The following PTPRN2 variants were observed in gnomAD, a reference collection of about 807,000 sequenced individuals.
The protein encoded by PTPRN2 is receptor-type tyrosine-protein phosphatase N2.
In PTPRN2, 74 loss-of-function variants were observed where a neutral mutation model predicts 118.8. The observed-to-expected ratio is 0.62, with a 90% CI of 0.52 to 0.76. PTPRN2 has a LOEUF of 0.76. Ranked by LOEUF, PTPRN2 falls within the 30% of genes least tolerant of loss-of-function variation. PTPRN2 has a pLI of 0.00. For missense variants in PTPRN2, 1,481 were observed against 1,394.4 expected (o/e 1.06, Z -0.99); for synonymous variants, 641 against 608.0 (o/e 1.05, Z -0.80).
At chr7:158,269,230 G>A (rs911160754) in intron 3 of PTPRN2, among the ~76,000 whole-genome samples, 2 of 151,980 alleles carry the variant, frequency 1.3e-5, no homozygotes, top group East Asian at 1.9e-4. Flanking sequence ...CCCTCCCATC[G>A]CCAAACCTCG....
At chr7:157,908,340 G>A (rs1048609643) in intron 11 of PTPRN2, among the ~76,000 whole-genome samples, 1 of 152,262 alleles carries the variant, frequency 6.6e-6, no homozygotes, top group Admixed American at 6.5e-5. Flanking sequence ...CACGTGTTGC[G>A]TGAGGCCTTT....
chr7:158,370,789 T>C (rs1809929934), intron 2 of PTPRN2, among the ~76,000 whole-genome samples: 1 of 152,120 alleles, frequency 6.6e-6, no homozygotes, highest in Non-Finnish European at 1.5e-5. Context: ...CAATAAAGGC[T>C]GGGAGAACCA....
At chr7:157,655,603 C>T (rs985368654) in intron 14 of PTPRN2, among the ~76,000 whole-genome samples, 4 of 152,214 alleles carry the variant, frequency 2.6e-5, no homozygotes, top group African/African-American at 7.2e-5. Flanking sequence ...GGCCAAGCAG[C>T]GTAACAGGCT....
chr7:157,920,784 G>T (rs192215342), intron 11 of PTPRN2, among the ~76,000 whole-genome samples: 1 of 152,220 alleles, frequency 6.6e-6, no homozygotes, highest in African/African-American at 2.4e-5. Flanking sequence ...TGCAAAGTTA[G>T]ATGTAAAATG....
rs376264880 is a variant in PTPRN2 at position 158,249,009 on chromosome 7, C to T, written c.278-43736G>A. Among the ~76,000 whole-genome samples the T allele has an allele frequency of 5.2e-3, 779 of 150,432 alleles. 5 individuals carry two copies. The highest frequency in any genetic ancestry group is 0.018 in the African/African-American group (735 of 40,886). On this transcript the variant is annotated intron_variant, in intron 3 of 22. Transcript: ENST00000389418. Reference sequence around the variant, plus strand: ...ATATGCACACATCACACATGCAGCACATATGTGCATACATAAACACACGTG... The same window carrying T: ...ATATGCACACATCACACATGCAGCATATATGTGCATACATAAACACACGTG...
At chr7:158,040,788 A>G (rs1808410530) in intron 11 of PTPRN2, among the ~76,000 whole-genome samples, 1 of 148,414 alleles carries the variant, frequency 6.7e-6, no homozygotes, top group South Asian at 2.1e-4. Context: ...GCTGAAGTGC[A>G]ATGGCACAAT....
chr7:157,939,628 ACC>A (rs1271707600), intron 11 of PTPRN2, among the ~76,000 whole-genome samples: 1 of 152,240 alleles, frequency 6.6e-6, no homozygotes, highest in African/African-American at 2.4e-5. Context: ...TGAGGCCTCA[ACC>A]CCATCGTCCA....
Position 157,977,245 on chromosome 7 carries a change from G to A in PTPRN2, c.1724-78508C>T, listed in dbSNP as rs1802823127. Among the ~76,000 whole-genome samples the A allele has an allele frequency of 6.6e-6, 1 of 152,072 alleles. No homozygotes were observed. The highest frequency in any genetic ancestry group is 2.1e-4 in the South Asian group (1 of 4,808). On this transcript the variant is annotated intron_variant, in intron 11 of 22. Coordinates refer to ENST00000389418, the MANE Select transcript of PTPRN2 (RefSeq NM_002847.5). The surrounding 1 kb of genome is among the most constrained non-coding windows in gnomAD (Gnocchi z 4.6). ...GGTGTGACCCACAGGTAGGGTGGCT[G>A]TGCCCCATGAAGCTTGCATGGAACT... is the stretch of plus-strand genomic sequence containing the variant.
Position 157,990,131 on chromosome 7 carries a change from C to G in PTPRN2, c.1723+91167G>C, listed in dbSNP as rs12666822. Reference sequence around the variant, plus strand: ...CGCTCCAAATACACCGAGACGAAAACAAGCCCAGGTGAAGCTGCAGCTGGG... The same window carrying G: ...CGCTCCAAATACACCGAGACGAAAAGAAGCCCAGGTGAAGCTGCAGCTGGG... On this transcript the variant is annotated intron_variant, in intron 11 of 22. Coordinates refer to ENST00000389418, the MANE Select transcript of PTPRN2 (RefSeq NM_002847.5). The surrounding 1 kb of genome is among the most constrained non-coding windows in gnomAD (Gnocchi z 4.3). 0.028 allele frequency among the ~76,000 whole-genome samples: 4,305 copies of G among 152,080 alleles called. 112 individuals are homozygous for G. The highest frequency in any genetic ancestry group is 0.13 in the East Asian group (671 of 5,144).
At chr7:158,428,042 T>C (rs916303119) in intron 2 of PTPRN2, among the ~76,000 whole-genome samples, 1 of 151,764 alleles carries the variant, frequency 6.6e-6, no homozygotes, top group Non-Finnish European at 1.5e-5. Flanking sequence ...GAGTCCTGCA[T>C]ACCTAACTCC....
At position 157,801,096 on chromosome 7, in the gene PTPRN2, T is replaced by C. The variant is rs1002680682; in HGVS notation, c.1788+97577A>G. ...ATATATACACACACACACACATATA[T>C]ATATGCACATATATATGAATACCCA... On this transcript the variant is annotated intron_variant, in intron 12 of 22. Transcript: ENST00000389418. The surrounding 1 kb of genome is among the most constrained non-coding windows in gnomAD (Gnocchi z 4.2). Among the ~76,000 whole-genome samples, 1 of 151,754 alleles carries C rather than the reference T, an allele frequency of 6.6e-6. No homozygotes were observed. Among genetic ancestry groups the C allele is most frequent in the Non-Finnish European group, 1.5e-5 (1 of 68,000 alleles).
At chr7:157,839,673 C>T (rs1372250340) in intron 12 of PTPRN2, among the ~76,000 whole-genome samples, 2 of 149,516 alleles carry the variant, frequency 1.3e-5, no homozygotes, top group Non-Finnish European at 1.5e-5. Context: ...GACTGTGTAG[C>T]TGTGTGGAAT....
intron 3 of PTPRN2, among the ~76,000 whole-genome samples, chr7:158,272,120 G>A (rs1798552638): frequency 6.6e-6 from 1 of 152,198 alleles, no homozygotes; most frequent in African/African-American, 2.4e-5. Context: ...AATGATCACA[G>A]GGTGCCATCA....
chr7:157,948,787 T>C (rs543620941), intron 11 of PTPRN2, among the ~76,000 whole-genome samples: 2 of 152,304 alleles, frequency 1.3e-5, no homozygotes, highest in South Asian at 4.1e-4. Context: ...AAATGCCCAT[T>C]GAAGTATTTT....
chr7:158,153,688 G>A (rs1821419682), intron 6 of PTPRN2, among the ~76,000 whole-genome samples: 1 of 152,230 alleles, frequency 6.6e-6, no homozygotes. Context: ...CAGGCAAACA[G>A]CTTTGATTTT....
rs1453306619 is a variant in PTPRN2, at chr7:157,953,074, G to A, written c.1724-54337C>T. On this transcript the variant is annotated intron_variant, in intron 11 of 22. Transcript: ENST00000389418. This position sits in a 1 kb window ranked among gnomAD's most constrained non-coding sequence, Gnocchi z 4.6. ...CAGGAACCACCTGACCACAGGGTGA[G>A]CCGTCCAGTGCCAGGAACCACCGGA... Among the ~76,000 whole-genome samples the A allele has an allele frequency of 1.3e-5, 2 of 152,010 alleles. No homozygotes were observed. The highest frequency in any genetic ancestry group is 2.9e-5 in the Non-Finnish European group (2 of 67,964).
At chr7:157,946,167 G>A (rs952838747) in intron 11 of PTPRN2, among the ~76,000 whole-genome samples, 8 of 152,160 alleles carry the variant, frequency 5.3e-5, no homozygotes, top group African/African-American at 1.7e-4. Flanking sequence ...CGGTCTGGAG[G>A]CAAGAAGCAA....
At chr7:158,304,123 G>C (rs908976686) in intron 3 of PTPRN2, among the ~76,000 whole-genome samples, 3 of 150,558 alleles carry the variant, frequency 2.0e-5, no homozygotes, top group Non-Finnish European at 4.4e-5. Flanking sequence ...CTACATGCTA[G>C]GGAGGCATAA....
intron 10 of PTPRN2, among the ~76,000 whole-genome samples, chr7:158,107,709 A>G (rs1815798835): frequency 6.6e-6 from 1 of 152,148 alleles, no homozygotes; most frequent in African/African-American, 2.4e-5. Context: ...CTTCCCAGGC[A>G]GAAGTCACCC....
Sources: gnomAD v4.1 joint callset for allele counts (sites outside exome capture counted in the v4.1 genomes callset) on GRCh38, gnomAD v4.1.1 for gene constraint, Gnocchi (gnomAD v3.1) non-coding constraint, MANE v1.5 for transcripts, NCBI Gene and HGNC (gene_info 2026-07-23, HGNC 2026-07-21) for gene names.